ANKFN1: variants seen among roughly 807,000 people sequenced by gnomAD.
The protein encoded by ANKFN1 is ankyrin repeat and fibronectin type-III domain-containing protein 1.
In ANKFN1, 74 loss-of-function variants were observed where a neutral mutation model predicts 108.7. The observed-to-expected ratio is 0.68, with a 90% CI of 0.56 to 0.83. ANKFN1 has a LOEUF of 0.83. ANKFN1 is among the 40% of genes least tolerant of loss of function. The probability of loss-of-function intolerance (pLI) is 0.00; values close to 1 mark genes in which losing one functional copy is unlikely to be tolerated. For missense variants in ANKFN1, 1,505 were observed against 1,382.3 expected (o/e 1.09, Z -1.41); for synonymous variants, 547 against 516.2 (o/e 1.06, Z -0.81).
intron 4 of ANKFN1, among the ~76,000 whole-genome samples, chr17:56,342,122 G>A (rs1240215579): frequency 1.3e-5 from 2 of 151,654 alleles, no homozygotes; most frequent in Non-Finnish European, 2.9e-5. Flanking sequence ...TCTGATAGTT[G>A]TTTGTATTTC....
intron 4 of ANKFN1, among the ~76,000 whole-genome samples, chr17:56,090,231 T>C (rs1372035587): frequency 6.6e-6 from 1 of 151,042 alleles, no homozygotes; most frequent in Non-Finnish European, 1.5e-5. Flanking sequence ...GAGCACTGAG[T>C]AGCAGGTGCG....
At chr17:56,187,476 A>G (rs1423370323) in intron 1 of ANKFN1, among the ~76,000 whole-genome samples, 1 of 152,216 alleles carries the variant, frequency 6.6e-6, no homozygotes, top group South Asian at 2.1e-4. Flanking sequence ...GAATACTTTT[A>G]CACTGTTGGT....
chr17:56,500,178 T>A (rs968677713), intron 20 of ANKFN1, among the ~76,000 whole-genome samples: 1 of 152,210 alleles, frequency 6.6e-6, no homozygotes, highest in East Asian at 1.9e-4. Flanking sequence ...ACTATATCAA[T>A]GATGCATGTC....
intron 4 of ANKFN1, among the ~76,000 whole-genome samples, chr17:56,331,351 C>A (rs978811341): frequency 6.6e-6 from 1 of 152,174 alleles, no homozygotes; most frequent in South Asian, 2.1e-4. Flanking sequence ...TATCTGTCTA[C>A]CCACCTGTCA....
intron 15 of ANKFN1, among the ~76,000 whole-genome samples, chr17:56,475,142 CAT>C (rs762882396): frequency 1.1e-4 from 16 of 152,180 alleles, no homozygotes; most frequent in Non-Finnish European, 2.1e-4. Context: ...CAATGAAAAA[CAT>C]AGCCTTACCA....
At chr17:56,376,410 A>G (rs1447984392) in intron 8 of ANKFN1, among the ~76,000 whole-genome samples, 1 of 152,112 alleles carries the variant, frequency 6.6e-6, no homozygotes, top group East Asian at 1.9e-4. Flanking sequence ...ATGGCCCCCC[A>G]CAGCCATCCT....
rs779052149 is a variant in ANKFN1, at chr17:56,482,340, G to A, written c.2092-16G>A. ...TGTAACTCTCCTATTTTTCCTCCGC[G>A]CGTGTCCCTCTGCAGGCAAGGAACT... On this transcript the variant is annotated splice_polypyrimidine_tract_variant and intron_variant, in intron 17 of 20. Coordinates refer to ENST00000682825, the MANE Select transcript of ANKFN1 (RefSeq NM_001370326.1). 2.5e-5 allele frequency: 40 copies of A among 1,576,016 alleles called. No individual in the cohort carries two copies. The highest frequency in any genetic ancestry group is 1.1e-4 in the East Asian group (5 of 43,868).
intron 3 of ANKFN1, among the ~76,000 whole-genome samples, chr17:56,273,743 T>A (rs2043848773): frequency 6.6e-6 from 1 of 152,220 alleles, no homozygotes; most frequent in South Asian, 2.1e-4. Context: ...TTATTGTGTA[T>A]TGGATGTGTG....
At chr17:56,386,100 A>G (rs1168177529) in intron 8 of ANKFN1, among the ~76,000 whole-genome samples, 1 of 152,128 alleles carries the variant, frequency 6.6e-6, no homozygotes, top group Non-Finnish European at 1.5e-5. Flanking sequence ...GACTGGATTA[A>G]GAAAATGTGG....
At position 56,350,747 on chromosome 17, in the gene ANKFN1, C is replaced by A; in HGVS notation, c.189-19C>A. On this transcript the variant is annotated intron_variant, in intron 4 of 20. Coordinates refer to ENST00000682825, the MANE Select transcript of ANKFN1 (RefSeq NM_001370326.1). The stretch of plus-strand genomic sequence containing the variant: ...ATTTGTGGTGTAAAAGATATAACAT[C>A]GGACTTTCCTCTTCTTAGGAATTGT... 1 of 1,605,800 alleles carries A rather than the reference C, an allele frequency of 6.2e-7. No homozygotes were observed. Among genetic ancestry groups the A allele is most frequent in the South Asian group, 1.1e-5 (1 of 90,866 alleles).
At chr17:56,481,262 T>G (rs79261625) in intron 17 of ANKFN1, among the ~76,000 whole-genome samples, 3,923 of 152,234 alleles carry the variant, frequency 0.026, 142 homozygotes, top group East Asian at 0.089. Context: ...CCCAAGGATA[T>G]GCCATGCTAT....
At chr17:56,358,156 G>T (rs1353185322) in intron 6 of ANKFN1, among the ~76,000 whole-genome samples, 7 of 152,086 alleles carry the variant, frequency 4.6e-5, no homozygotes, top group African/African-American at 1.7e-4. Flanking sequence ...AGACTCCAGG[G>T]TTTCTAACAA....
chr17:56,281,702 C>T (rs1201349248), intron 3 of ANKFN1, among the ~76,000 whole-genome samples: 3 of 152,118 alleles, frequency 2.0e-5, no homozygotes, highest in Non-Finnish European at 4.4e-5. Flanking sequence ...ACAAACACTT[C>T]ACAGAAGATA....
At chr17:56,220,022 G>C (rs754225982) in intron 2 of ANKFN1, among the ~76,000 whole-genome samples, 16 of 152,170 alleles carry the variant, frequency 1.1e-4, no homozygotes, top group Admixed American at 2.0e-4. Flanking sequence ...ACTGATTCTT[G>C]TTTCCTCCAG....
At chr17:56,131,917 C>G (rs990063589) in intron 4 of ANKFN1, among the ~76,000 whole-genome samples, 1 of 152,110 alleles carries the variant, frequency 6.6e-6, no homozygotes, top group African/African-American at 2.4e-5. Context: ...TATGAAGACT[C>G]CTCTGAGGAA....
At chr17:56,499,940 C>A (rs1478865768) in intron 20 of ANKFN1, among the ~76,000 whole-genome samples, 1 of 152,142 alleles carries the variant, frequency 6.6e-6, no homozygotes, top group African/African-American at 2.4e-5. Flanking sequence ...TTGTAAGCTT[C>A]ATAATATTTT....
At position 56,357,702 on chromosome 17, in the gene ANKFN1, A is replaced by C. The variant is rs564920844; in HGVS notation, c.601+3656A>C. ...TCTGTACGTGAGTTTGAGCAGGCCC[A>C]AGAGGAAAACCAGTCTGCCAGCCAG... On this transcript the variant is annotated intron_variant, in intron 6 of 20. Coordinates refer to ENST00000682825, the MANE Select transcript of ANKFN1 (RefSeq NM_001370326.1). 9.8e-5 allele frequency among the ~76,000 whole-genome samples: 15 copies of C among 152,308 alleles called. No individual in the cohort carries two copies. In the East Asian group the frequency reaches 2.5e-3, roughly 25 times the overall value.
intron 1 of ANKFN1, among the ~76,000 whole-genome samples, chr17:56,199,905 C>G (rs962535318): frequency 6.6e-6 from 1 of 152,138 alleles, no homozygotes; most frequent in Non-Finnish European, 1.5e-5. Flanking sequence ...GTTCCAGTTC[C>G]TAAGCCAAGT....
intron 3 of ANKFN1, among the ~76,000 whole-genome samples, chr17:56,316,438 C>A (rs9913603): frequency 6.6e-6 from 1 of 151,944 alleles, no homozygotes; most frequent in African/African-American, 2.4e-5. Context: ...GGGTCATAAG[C>A]CACCCACTCA....
Sources: allele counts gnomAD v4.1 joint callset (sites outside exome capture counted in the v4.1 genomes callset), GRCh38; gene constraint gnomAD v4.1.1; transcripts MANE v1.5; gene names NCBI Gene and HGNC (gene_info 2026-07-23, HGNC 2026-07-21).